The following DMD variants were observed in gnomAD, a reference collection of about 807,000 sequenced individuals.
The protein encoded by DMD is dystrophin, also known as mutant dystrophin.
In DMD, 63 loss-of-function variants were observed where a neutral mutation model predicts 330.1. That is an observed-to-expected ratio of 0.19 (90% CI 0.16 to 0.24). DMD has a LOEUF of 0.24. Ranked by LOEUF, DMD falls within the 10% of genes least tolerant of loss-of-function variation. DMD has a pLI of 1.00. For missense variants in DMD, 3,344 were observed against 2,684.1 expected, an observed-to-expected ratio of 1.25 and a Z score of -5.43; for synonymous variants, 1,223 against 959.8, an observed-to-expected ratio of 1.27 and a Z score of -5.07.
At chrX:32,066,811 A>G (rs768002215) in intron 44 of DMD, among the ~76,000 whole-genome samples, 3 of 111,865 alleles carry the variant, frequency 2.7e-5, no homozygotes, top group African/African-American at 9.7e-5. Context: ...TTTCGGATGC[A>G]CAAAACATGT....
intron 7 of DMD, among the ~76,000 whole-genome samples, chrX:32,758,344 G>A (rs897661155): frequency 8.1e-5 from 9 of 111,317 alleles, no homozygotes; most frequent in African/African-American, 2.9e-4. Context: ...TCAAGCTCAC[G>A]CAGCTCTAGA....
intron 55 of DMD, among the ~76,000 whole-genome samples, chrX:31,573,768 A>G (rs1211759769): frequency 9.0e-6 from 1 of 111,520 alleles, no homozygotes; most frequent in South Asian, 3.8e-4. Flanking sequence ...ACCACCAGAA[A>G]TAAGAGATAG....
At chrX:32,173,593 G>A (rs1427705095) in intron 44 of DMD, among the ~76,000 whole-genome samples, 2 of 110,530 alleles carry the variant, frequency 1.8e-5, no homozygotes, top group African/African-American at 3.3e-5. Flanking sequence ...GGATGGTCTC[G>A]ATTTCCTGAC....
intron 44 of DMD, among the ~76,000 whole-genome samples, chrX:32,032,631 G>GA (rs34920155): frequency 9.0e-6 from 1 of 111,519 alleles, no homozygotes. Context: ...GGTTATTTCA[G>GA]AAAAAAAATT....
chrX:32,442,189 C>G (rs1320849741), intron 27 of DMD, among the ~76,000 whole-genome samples: 1 of 110,367 alleles, frequency 9.1e-6, no homozygotes, highest in Non-Finnish European at 1.9e-5. Flanking sequence ...ATACATTCGA[C>G]TACATTAAAA....
In DMD at chrX:31,246,289, G is replaced by C. The variant is rs771628645; in HGVS notation, c.9286+14666C>G. Among the ~76,000 whole-genome samples, 4 of 112,163 alleles carry C rather than the reference G, an allele frequency of 3.6e-5. No individual in the cohort carries two copies. The East Asian group carries it at 1.1e-3, about 31-fold the overall frequency. ...GCAGAAGAAAAGTTGGAAGCTAGTA[G>C]AGGTTGCTTCAAGAAGCTTAAGGAA... On this transcript the variant is annotated intron_variant, in intron 63 of 78. Transcript: ENST00000357033.
chrX:32,883,915 CTTAATA>C (rs1265001448), intron 2 of DMD, among the ~76,000 whole-genome samples: 1 of 100,236 alleles, frequency 1.0e-5, no homozygotes, highest in African/African-American at 3.7e-5. Context: ...TCATGATATT[CTTAATA>C]TTAATGTTCT....
At chrX:32,127,776 A>G (rs201248790) in intron 44 of DMD, among the ~76,000 whole-genome samples, 16 of 111,939 alleles carry the variant, frequency 1.4e-4, no homozygotes, top group African/African-American at 3.9e-4. Flanking sequence ...TACTCAAACA[A>G]CTCTACCATT....
At chrX:32,570,615 T>C (rs183081121) in intron 15 of DMD, among the ~76,000 whole-genome samples, 5 of 111,795 alleles carry the variant, frequency 4.5e-5, no homozygotes, top group East Asian at 5.7e-4. Context: ...CTGAAATAGA[T>C]TGAAAGGCCT....
intron 55 of DMD, among the ~76,000 whole-genome samples, chrX:31,568,864 T>C (rs2075606741): frequency 9.0e-6 from 1 of 111,610 alleles, no homozygotes; most frequent in Admixed American, 9.5e-5. Context: ...TTGTGGGTTA[T>C]TTGAACATTT....
intron 1 of DMD, among the ~76,000 whole-genome samples, chrX:33,256,823 A>G (rs753562787): frequency 1.2e-4 from 13 of 110,711 alleles, no homozygotes; most frequent in African/African-American, 3.9e-4. Flanking sequence ...TCTTCTTTAC[A>G]GTATTATGAT....
chrX:32,432,269 G>A (rs774986875), intron 29 of DMD, among the ~76,000 whole-genome samples: 7 of 111,281 alleles, frequency 6.3e-5, no homozygotes, highest in African/African-American at 1.3e-4. Context: ...CACCATTTTC[G>A]TGAGCCAGAG....
intron 7 of DMD, among the ~76,000 whole-genome samples, chrX:32,700,864 C>G (rs1198853158): frequency 9.0e-6 from 1 of 111,395 alleles, no homozygotes; most frequent in Admixed American, 9.6e-5. Flanking sequence ...AGTGAAAAAG[C>G]CAAGAGTAAA....
At chrX:33,116,806 A>G (rs951238321) in intron 1 of DMD, among the ~76,000 whole-genome samples, 10 of 111,420 alleles carry the variant, frequency 9.0e-5, no homozygotes, top group African/African-American at 2.3e-4. Flanking sequence ...GAATCAGACT[A>G]GAAAAGCAAG....
chrX:32,550,833 C>A (rs772023253), intron 16 of DMD, among the ~76,000 whole-genome samples: 1 of 110,363 alleles, frequency 9.1e-6, no homozygotes, highest in Non-Finnish European at 1.9e-5. Flanking sequence ...TAGAGAAAAC[C>A]CTTAGAGACT....
At chrX:32,557,397 AAT>A (rs2050424309) in intron 16 of DMD, among the ~76,000 whole-genome samples, 1 of 111,992 alleles carries the variant, frequency 8.9e-6, no homozygotes. Flanking sequence ...CTCAATGTTA[AAT>A]ATGTTTGGCT....
chrX:32,907,500 CATTGA>C (rs1013874629), intron 2 of DMD, among the ~76,000 whole-genome samples: 7 of 111,860 alleles, frequency 6.3e-5, no homozygotes, highest in Non-Finnish European at 1.3e-4. Context: ...TCAAGCGGTT[CATTGA>C]ATTAATCACT....
rs756482300 is a variant in DMD at position 31,186,263 on chromosome X, A to G, written c.9808-3359T>C. The stretch of plus-strand genomic sequence containing the variant: ...CTAGAATCAATCTAAATGCCCACCA[A>G]TGGAAGACTGAATAAAGAAAACGTG... On this transcript the variant is annotated intron_variant, in intron 67 of 78. Transcript: ENST00000357033. 2.7e-5 allele frequency among the ~76,000 whole-genome samples: 3 copies of G among 112,340 alleles called. No homozygotes were observed. The South Asian group carries it at 1.1e-3, about 42-fold the overall frequency.
At chrX:33,214,211 T>A (rs1156601020), upstream of DMD, among the ~76,000 whole-genome samples, 1 of 111,175 alleles carries the variant, frequency 9.0e-6, no homozygotes, top group South Asian at 3.8e-4. Flanking sequence ...GTTTGGTCAC[T>A]ACAAATAAAG....
Sources: gnomAD v4.1 joint callset for allele counts (sites outside exome capture counted in the v4.1 genomes callset) on GRCh38, gnomAD v4.1.1 for gene constraint, MANE v1.5 for transcripts, NCBI Gene and HGNC (gene_info 2026-07-23, HGNC 2026-07-21) for gene names.